CST8: variants seen among roughly 807,000 people sequenced by gnomAD.
CST8 encodes cystatin-8.
In CST8, 20 loss-of-function variants were observed where a neutral mutation model predicts 11.8. The observed-to-expected ratio is 1.70, with a 90% CI of 1.20 to 2.47. The LOEUF (loss-of-function observed/expected upper bound fraction) is 2.47, where lower values mean the gene tolerates loss of function less well. CST8 is among the 30% of genes most tolerant of loss of function. The pLI is 0.00. For missense variants in CST8, 196 were observed against 167.2 expected, an observed-to-expected ratio of 1.17 and a Z score of -0.95; for synonymous variants, 77 against 63.1, an observed-to-expected ratio of 1.22 and a Z score of -1.05.
At chr20:23,500,088 C>A (rs1417247753), downstream of CST8, among the ~76,000 whole-genome samples, 1 of 151,278 alleles carries the variant, frequency 6.6e-6, no homozygotes, top group Non-Finnish European at 1.5e-5. Context: ...GAGGGAGGTG[C>A]CAGGCACATT....
chr20:23,500,762 T>TG (rs1321179786), downstream of CST8, among the ~76,000 whole-genome samples: 2 of 9,246 alleles, frequency 2.2e-4, no homozygotes, highest in African/African-American at 8.6e-4. Context: ...GGTGGCTGGG[T>TG]GGGGGGGTGC....
chr20:23,496,778 C>T (rs1988057682), downstream of CST8, among the ~76,000 whole-genome samples: 1 of 152,192 alleles, frequency 6.6e-6, no homozygotes, highest in Admixed American at 6.5e-5. Context: ...CTCAGGGATG[C>T]ATTCTCTTTC....
intron 3 of CST8, among the ~76,000 whole-genome samples, chr20:23,494,757 T>C (rs1412268205): frequency 1.3e-5 from 2 of 152,214 alleles, no homozygotes; most frequent in African/African-American, 2.4e-5. Context: ...AGAAAAGATA[T>C]GTTAGGCCCT....
downstream of CST8, among the ~76,000 whole-genome samples, chr20:23,497,095 G>C: frequency 6.6e-6 from 1 of 152,164 alleles, no homozygotes; most frequent in Non-Finnish European, 1.5e-5. Context: ...GTAAAGACAG[G>C]CATAGGAAAT....
At chr20:23,497,503 G>A (rs2122208906), downstream of CST8, among the ~76,000 whole-genome samples, 1 of 152,294 alleles carries the variant, frequency 6.6e-6, no homozygotes, top group African/African-American at 2.4e-5. Context: ...TCCCCTGTGG[G>A]ATCTCTATAA....
the CST8 span, among the ~76,000 whole-genome samples, chr20:23,502,828 TA>T: frequency 6.6e-6 from 1 of 152,188 alleles, no homozygotes; most frequent in Non-Finnish European, 1.5e-5. Context: ...GAATAAAAAA[TA>T]ATTTTAATTC....
At chr20:23,492,904 A>T in intron 2 of CST8, 54 bp from the exon 3 acceptor site, 1 of 1,086,722 alleles carries the variant, frequency 9.2e-7, no homozygotes, top group Admixed American at 1.8e-5. Context: ...TTTTGTCAAA[A>T]CTTTAAAAAA....
downstream of CST8, among the ~76,000 whole-genome samples, chr20:23,497,856 A>T (rs1436613295): frequency 6.6e-6 from 1 of 152,210 alleles, no homozygotes; most frequent in African/African-American, 2.4e-5. Flanking sequence ...TACAATTCAA[A>T]GTGAGATTTC....
downstream of CST8, chr20:23,496,047 G>A: frequency 1.5e-6 from 1 of 687,124 alleles, no homozygotes; most frequent in Non-Finnish European, 2.5e-6. Context: ...TTTTTTAGTT[G>A]CATATATGTG....
At chr20:23,505,167 T>G in the CST8 span, among the ~76,000 whole-genome samples, 1 of 117,700 alleles carries the variant, frequency 8.5e-6, no homozygotes, top group East Asian at 2.6e-4. Flanking sequence ...TTTTTTGAGA[T>G]GGAGTCTTGC....
the CST8 span, among the ~76,000 whole-genome samples, chr20:23,505,637 C>T: frequency 6.6e-6 from 1 of 152,086 alleles, no homozygotes; most frequent in Non-Finnish European, 1.5e-5. Context: ...TCTGATTTGC[C>T]CCGATTCTGG....
rs180723051 is a variant in CST8 at position 23,491,559 on chromosome 20, C to G, written c.-109C>G. 17 of 814,654 alleles carry G rather than the reference C, an allele frequency of 2.1e-5. No homozygotes were observed. The highest frequency in any genetic ancestry group is 2.9e-5 in the Non-Finnish European group (14 of 489,226). 50.5% of individuals were successfully genotyped at this position (814,654 alleles called of 1,614,324 possible). A position where few individuals can be genotyped will look rare whatever the true frequency, so the allele number is the denominator to read the frequency against. On this transcript the variant is annotated 5_prime_UTR_variant, in exon 2 of 4. Transcript: ENST00000246012. ...CGCTAACAGGAGGCAGTGTGTGGCT[C>G]GAAGATTCTTGAACCCACAGCAGCA...
At chr20:23,500,769 G>A (rs1290715310), downstream of CST8, among the ~76,000 whole-genome samples, 2 of 144,316 alleles carry the variant, frequency 1.4e-5, no homozygotes, top group African/African-American at 2.6e-5. Context: ...GGGTGGGGGG[G>A]TGCAGGTGAA....
At chr20:23,495,137 C>T (rs546964493) in intron 3 of CST8, among the ~76,000 whole-genome samples, 1 of 152,196 alleles carries the variant, frequency 6.6e-6, no homozygotes, top group Admixed American at 6.5e-5. Context: ...CTGCAAAGGA[C>T]ATTATCTCAT....
intron 3 of CST8, 61 bp from the exon 4 acceptor site, chr20:23,495,770 C>G: frequency 3.5e-6 from 4 of 1,151,454 alleles, no homozygotes; most frequent in Non-Finnish European, 4.9e-6. Flanking sequence ...AATTGTTTTT[C>G]TTTTCTTTTT....
chr20:23,499,920 G>A (rs1053444762), downstream of CST8, among the ~76,000 whole-genome samples: 1 of 152,092 alleles, frequency 6.6e-6, no homozygotes, highest in African/African-American at 2.4e-5. Context: ...TCACAGTTCT[G>A]TAAGCGGTAG....
the CST8 span, among the ~76,000 whole-genome samples, chr20:23,505,134 G>A: frequency 8.3e-4 from 118 of 141,666 alleles, no homozygotes; most frequent in African/African-American, 3.0e-3. Flanking sequence ...CAGGCAAGAA[G>A]CATTCTTTTT....
intron 3 of CST8, 64 bp downstream of exon 3, chr20:23,493,135 G>A: frequency 9.9e-7 from 1 of 1,014,256 alleles, no homozygotes; most frequent in Admixed American, 1.7e-5. Context: ...AGAAAGCTGA[G>A]GCACGCAGAC....
At chr20:23,492,653 A>T (rs960634826) in intron 2 of CST8, among the ~76,000 whole-genome samples, 1 of 152,200 alleles carries the variant, frequency 6.6e-6, no homozygotes, top group African/African-American at 2.4e-5. Context: ...CTCACTGAGC[A>T]TGCAGCATGC....
Sources: gnomAD v4.1 joint callset for allele counts (sites outside exome capture counted in the v4.1 genomes callset) on GRCh38, gnomAD v4.1.1 for gene constraint, MANE v1.5 for transcripts, NCBI Gene and HGNC (gene_info 2026-07-23, HGNC 2026-07-21) for gene names.